Variants in LCLAT1 observed in about 807,000 individuals in gnomAD.
The protein encoded by LCLAT1 is 1-AGP acyltransferase 8.
In LCLAT1, 11 loss-of-function variants were observed where a neutral mutation model predicts 30.7. The ratio of observed to expected loss-of-function variants is 0.36; its 90% confidence interval spans 0.23 to 0.59. The LOEUF is 0.59. Among genes scored for constraint, LCLAT1 ranks in the 20% least tolerant of loss-of-function variants. LCLAT1 has a pLI of 0.77. For synonymous variants in LCLAT1, 155 were observed against 151.3 expected (o/e 1.02, Z -0.18); for missense variants, 402 against 458.6 (o/e 0.88, Z 1.13).
Position 30,643,053 on chromosome 2 carries a change from A to C in LCLAT1, c.*2434A>C, listed in dbSNP as rs1374442724. On this transcript the variant is annotated 3_prime_UTR_variant, in exon 6 of 6. Transcript: ENST00000379509. Reference sequence around the variant, plus strand: ...AATTAATGCTAAAGTGTCAGGAAGAAATTAATTTAGCTTCAATAATTGTGA... The same window carrying C: ...AATTAATGCTAAAGTGTCAGGAAGACATTAATTTAGCTTCAATAATTGTGA... The C allele has an allele frequency of 6.1e-5, 2 of 33,004 alleles. 1 individual carries two copies. Among genetic ancestry groups the C allele is most frequent in the Non-Finnish European group, 1.1e-4 (2 of 18,668 alleles). 2.0% of individuals were successfully genotyped at this position (33,004 alleles called of 1,614,324 possible).
intron 1 of LCLAT1, among the ~76,000 whole-genome samples, chr2:30,495,525 A>G (rs1207300536): frequency 6.6e-6 from 1 of 152,198 alleles, no homozygotes; most frequent in Admixed American, 6.5e-5. Flanking sequence ...AAAATACAGT[A>G]TAAGATATGA....
At chr2:30,582,331 A>G (rs1666243144) in intron 5 of LCLAT1, among the ~76,000 whole-genome samples, 1 of 152,198 alleles carries the variant, frequency 6.6e-6, no homozygotes, top group East Asian at 1.9e-4. Flanking sequence ...CTACAGGAAT[A>G]TATTTGTCAG....
intron 3 of LCLAT1, among the ~76,000 whole-genome samples, chr2:30,535,537 T>A (rs1686202840): frequency 6.6e-6 from 1 of 152,160 alleles, no homozygotes; most frequent in Admixed American, 6.5e-5. Context: ...AGGCACTCAG[T>A]AGACACCAAT....
intron 3 of LCLAT1, among the ~76,000 whole-genome samples, chr2:30,535,204 C>G (rs1409549421): frequency 6.6e-6 from 1 of 151,984 alleles, no homozygotes; most frequent in African/African-American, 2.4e-5. Context: ...GGAAAGAAAA[C>G]CATGTATCAC....
At chr2:30,562,317 G>A in intron 4 of LCLAT1, 25 bp downstream of exon 4, 2 of 1,563,528 alleles carry the variant, frequency 1.3e-6, no homozygotes, top group Non-Finnish European at 8.7e-7. Context: ...GTTTGGCAAA[G>A]TTAGAAATCA....
At chr2:30,539,191 C>G (rs1285876224) in intron 3 of LCLAT1, among the ~76,000 whole-genome samples, 2 of 151,064 alleles carry the variant, frequency 1.3e-5, no homozygotes, top group Non-Finnish European at 2.9e-5. Context: ...CCTCGTGATC[C>G]GCCCGCCTCA....
intron 1 of LCLAT1, among the ~76,000 whole-genome samples, chr2:30,514,856 A>G (rs1262357162): frequency 6.6e-6 from 1 of 152,198 alleles, no homozygotes; most frequent in African/African-American, 2.4e-5. Flanking sequence ...TCATGTTTAT[A>G]TACATTTCAC....
At chr2:30,496,311 A>G (rs1684112572) in intron 1 of LCLAT1, among the ~76,000 whole-genome samples, 1 of 151,986 alleles carries the variant, frequency 6.6e-6, no homozygotes, top group African/African-American at 2.4e-5. Flanking sequence ...CCTCTTTCTG[A>G]ATTAGTTGGT....
intron 1 of LCLAT1, among the ~76,000 whole-genome samples, chr2:30,468,494 A>G (rs985558078): frequency 4.7e-5 from 7 of 150,412 alleles, no homozygotes; most frequent in East Asian, 1.9e-4. Context: ...GATAGTTGGG[A>G]AAAAAAATAG....
intron 3 of LCLAT1, chr2:30,552,775 C>A: frequency 4.7e-6 from 1 of 211,714 alleles, no homozygotes; most frequent in Non-Finnish European, 9.9e-6. Context: ...TGTATAACTA[C>A]TATTAATTAT....
chr2:30,599,325 G>T (rs1344001213), intron 5 of LCLAT1, among the ~76,000 whole-genome samples: 10 of 152,184 alleles, frequency 6.6e-5, no homozygotes, highest in Non-Finnish European at 1.3e-4. Flanking sequence ...TGATTGTGCT[G>T]TGGTCTGAGA....
At chr2:30,595,760 T>TGCAC (rs1307732918) in intron 5 of LCLAT1, among the ~76,000 whole-genome samples, 1 of 152,172 alleles carries the variant, frequency 6.6e-6, no homozygotes, top group East Asian at 1.9e-4. Flanking sequence ...AAGCCCAGCA[T>TGCAC]GCATTAGCTG....
chr2:30,572,497 A>C (rs1217636005), intron 5 of LCLAT1, among the ~76,000 whole-genome samples: 4 of 152,294 alleles, frequency 2.6e-5, no homozygotes, highest in African/African-American at 9.6e-5. Context: ...CACCATTCAT[A>C]CGTATCCCCT....
At chr2:30,543,677 A>T (rs1010194227) in intron 3 of LCLAT1, among the ~76,000 whole-genome samples, 1 of 152,162 alleles carries the variant, frequency 6.6e-6, no homozygotes, top group Non-Finnish European at 1.5e-5. Context: ...TAAGTTGTCA[A>T]ACTGAGGCAT....
At chr2:30,619,643 C>A (rs1185143438) in intron 5 of LCLAT1, among the ~76,000 whole-genome samples, 1 of 152,210 alleles carries the variant, frequency 6.6e-6, no homozygotes, top group Admixed American at 6.5e-5. Context: ...CACTATTCAA[C>A]CCAGCCCAGG....
intron 3 of LCLAT1, among the ~76,000 whole-genome samples, chr2:30,554,438 G>A (rs1412794913): frequency 6.6e-6 from 1 of 152,210 alleles, no homozygotes; most frequent in African/African-American, 2.4e-5. Flanking sequence ...TCTATGCAGA[G>A]AGGTTGTTTA....
intron 3 of LCLAT1, among the ~76,000 whole-genome samples, chr2:30,558,828 C>T (rs1469647482): frequency 2.0e-5 from 3 of 152,142 alleles, no homozygotes; most frequent in Non-Finnish European, 4.4e-5. Context: ...GACATAAACC[C>T]TATGAGGCAT....
At position 30,447,285 on chromosome 2, in the gene LCLAT1, A is replaced by C. The variant is rs1681292892; in HGVS notation, c.-103A>C. On this transcript the variant is annotated 5_prime_UTR_variant, in exon 1 of 6. Coordinates refer to ENST00000379509, the MANE Select transcript of LCLAT1 (RefSeq NM_001002257.3). ...CGGACGCCTCCGCGTTACGGGATGA[A>C]TTAACGGCGGGTTCCGCACGGAGGT... 6.6e-6 allele frequency: 1 copy of C among 151,898 alleles called. No homozygotes were observed. Among genetic ancestry groups the C allele is most frequent in the African/African-American group, 2.4e-5 (1 of 41,378 alleles). The allele number at this position is 151,898 out of a possible 1,614,324, so 9.4% of individuals were successfully genotyped here. A position where few individuals can be genotyped will look rare whatever the true frequency, so the allele number is the denominator to read the frequency against.
intron 5 of LCLAT1, among the ~76,000 whole-genome samples, chr2:30,582,027 A>G (rs927160100): frequency 4.6e-5 from 7 of 152,216 alleles, no homozygotes; most frequent in African/African-American, 1.7e-4. Flanking sequence ...AGGTACAATT[A>G]TTTGTCAATT....
Sources: gnomAD v4.1 joint callset for allele counts (sites outside exome capture counted in the v4.1 genomes callset) on GRCh38, gnomAD v4.1.1 for gene constraint, MANE v1.5 for transcripts, NCBI Gene and HGNC (gene_info 2026-07-23, HGNC 2026-07-21) for gene names.